ZNF704: variants seen among roughly 807,000 people sequenced by gnomAD.
The protein encoded by ZNF704 is zinc finger protein 704.
ZNF704 carries 10 observed loss-of-function variants against 44.7 expected under a neutral mutation model. That is an observed-to-expected ratio of 0.22 (90% CI 0.14 to 0.38). ZNF704 has a LOEUF of 0.38. ZNF704 is among the 10% of genes least tolerant of loss of function. The probability of loss-of-function intolerance (pLI) is 1.00; values close to 1 mark genes in which losing one functional copy is unlikely to be tolerated. For synonymous variants in ZNF704, 211 were observed against 207.6 expected (o/e 1.02, Z -0.14); for missense variants, 390 against 545.5 (o/e 0.71, Z 2.84).
chr8:80,839,631 T>C (rs1031014711), intron 1 of ZNF704, among the ~76,000 whole-genome samples: 3 of 152,218 alleles, frequency 2.0e-5, no homozygotes, highest in African/African-American at 7.2e-5. Flanking sequence ...TAGATAGAAA[T>C]GACTATAAGG....
At chr8:80,705,976 C>G (rs1585969022) in intron 2 of ZNF704, among the ~76,000 whole-genome samples, 1 of 152,354 alleles carries the variant, frequency 6.6e-6, no homozygotes, top group East Asian at 1.9e-4. Context: ...AGCACCTCAT[C>G]CAGCAGAGCC....
chr8:80,717,252 C>T (rs746424172), intron 2 of ZNF704, among the ~76,000 whole-genome samples: 6 of 152,238 alleles, frequency 3.9e-5, no homozygotes, highest in Non-Finnish European at 8.8e-5. Flanking sequence ...TGCCACACCA[C>T]CATTCACACA....
At chr8:80,732,523 C>T (rs1369969014) in intron 2 of ZNF704, among the ~76,000 whole-genome samples, 3 of 152,174 alleles carry the variant, frequency 2.0e-5, no homozygotes, top group African/African-American at 7.2e-5. Context: ...AAGCAGCCCT[C>T]TGGAGAAGCC....
intron 7 of ZNF704, among the ~76,000 whole-genome samples, chr8:80,657,034 C>T (rs1358321618): frequency 1.3e-5 from 2 of 152,026 alleles, no homozygotes; most frequent in Admixed American, 6.6e-5. Context: ...CGTGGCTTGC[C>T]TGGCACTCCT....
At chr8:80,860,393 T>C (rs1285471161) in intron 1 of ZNF704, among the ~76,000 whole-genome samples, 3 of 152,232 alleles carry the variant, frequency 2.0e-5, no homozygotes, top group Non-Finnish European at 4.4e-5. Context: ...CAACCCCTTC[T>C]AGCTTTTAGA....
chr8:80,818,899 T>A (rs1387118883), intron 2 of ZNF704, among the ~76,000 whole-genome samples: 1 of 152,158 alleles, frequency 6.6e-6, no homozygotes, highest in Admixed American at 6.6e-5. Context: ...AGTCCGACAT[T>A]TATTAAACTT....
At chr8:80,853,576 G>A (rs986897078) in intron 1 of ZNF704, among the ~76,000 whole-genome samples, 15 of 151,748 alleles carry the variant, frequency 9.9e-5, no homozygotes, top group Non-Finnish European at 1.8e-4. Context: ...AAAAGACAAC[G>A]AAACTATAGA....
intron 1 of ZNF704, among the ~76,000 whole-genome samples, chr8:80,848,461 T>C (rs1413777580): frequency 6.6e-6 from 1 of 152,222 alleles, no homozygotes; most frequent in East Asian, 1.9e-4. Flanking sequence ...ACACAAGATG[T>C]TACCATTGAA....
At chr8:80,695,470 T>C (rs1818710587) in intron 2 of ZNF704, among the ~76,000 whole-genome samples, 2 of 152,204 alleles carry the variant, frequency 1.3e-5, no homozygotes. Context: ...GTGGATGACA[T>C]GATTTGGTAA....
chr8:80,721,152 C>A (rs1297638838), intron 2 of ZNF704, among the ~76,000 whole-genome samples: 1 of 152,216 alleles, frequency 6.6e-6, no homozygotes, highest in African/African-American at 2.4e-5. Flanking sequence ...ATGCTCACTG[C>A]TCTGCCTTCA....
chr8:80,813,522 A>G (rs1354580597), intron 2 of ZNF704, among the ~76,000 whole-genome samples: 3 of 152,176 alleles, frequency 2.0e-5, no homozygotes, highest in Admixed American at 6.5e-5. Context: ...ACACATACAT[A>G]CACACACATA....
chr8:80,650,367 C>T (rs547404715), intron 7 of ZNF704, among the ~76,000 whole-genome samples: 15 of 152,222 alleles, frequency 9.9e-5, no homozygotes, highest in South Asian at 8.3e-4. Context: ...CAAACTACTC[C>T]GAGCTAAAGG....
At chr8:80,647,297 GAGGT>G (rs1454006484) in intron 7 of ZNF704, among the ~76,000 whole-genome samples, 1 of 152,170 alleles carries the variant, frequency 6.6e-6, no homozygotes, top group Non-Finnish European at 1.5e-5. Flanking sequence ...GCTTCCTGAG[GAGGT>G]TACCTTTCAC....
chr8:80,746,879 T>C (rs560150590), intron 2 of ZNF704, among the ~76,000 whole-genome samples: 5 of 152,104 alleles, frequency 3.3e-5, no homozygotes, highest in Admixed American at 6.5e-5. Context: ...ATTAATAAGG[T>C]GAAATGAAAA....
At chr8:80,857,397 C>T (rs1210939730) in intron 1 of ZNF704, among the ~76,000 whole-genome samples, 1 of 152,024 alleles carries the variant, frequency 6.6e-6, no homozygotes, top group South Asian at 2.1e-4. Flanking sequence ...GAATTTCCAT[C>T]CAATTTATTG....
In ZNF704 at chr8:80,654,568, C is replaced by T. The variant is rs190113991; in HGVS notation, c.1032+5017G>A. On this transcript the variant is annotated intron_variant, in intron 7 of 8. Coordinates refer to ENST00000327835, the MANE Select transcript of ZNF704 (RefSeq NM_001033723.3). ...CACTTCTCAAAAGAAGACATTTATG[C>T]GGCCAAAAGACACATGAAAAAATGT... is the stretch of plus-strand genomic sequence containing the variant. 4.5e-3 allele frequency among the ~76,000 whole-genome samples: 679 copies of T among 152,260 alleles called. 5 individuals carry two copies. The highest frequency in any genetic ancestry group is 0.016 in the African/African-American group (651 of 41,542).
intron 2 of ZNF704, among the ~76,000 whole-genome samples, chr8:80,797,716 G>A (rs1807830193): frequency 6.6e-6 from 1 of 152,122 alleles, no homozygotes; most frequent in Admixed American, 6.5e-5. Flanking sequence ...GGCCCATGAT[G>A]GGAGAGGCAG....
intron 2 of ZNF704, among the ~76,000 whole-genome samples, chr8:80,757,778 C>T (rs2131714403): frequency 6.6e-6 from 1 of 152,310 alleles, no homozygotes; most frequent in African/African-American, 2.4e-5. Flanking sequence ...CATTGTGTTA[C>T]AATTGCCTGC....
chr8:80,797,013 A>T (rs73262554), intron 2 of ZNF704, among the ~76,000 whole-genome samples: 7,698 of 151,506 alleles, frequency 0.051, 653 homozygotes, highest in African/African-American at 0.18. Flanking sequence ...GCAAGCAAGC[A>T]AGCAAAGGAG....
Sources: gnomAD v4.1 joint callset for allele counts (sites outside exome capture counted in the v4.1 genomes callset) on GRCh38, gnomAD v4.1.1 for gene constraint, MANE v1.5 for transcripts, NCBI Gene and HGNC (gene_info 2026-07-23, HGNC 2026-07-21) for gene names.